ABCC1: variants seen among roughly 807,000 people sequenced by gnomAD.
ABCC1 encodes the protein ATP binding cassette subfamily C member 1 (ABCC1 blood group).
Under a neutral mutation model 172.9 loss-of-function variants are expected in ABCC1, and 83 were observed. The observed-to-expected ratio is 0.48, with a 90% CI of 0.40 to 0.58. The LOEUF is 0.58. Among genes scored for constraint, ABCC1 ranks in the 20% least tolerant of loss-of-function variants. The pLI is 0.00. For missense variants in ABCC1, 1,817 were observed against 2,002.7 expected (o/e 0.91, Z 1.77); for synonymous variants, 937 against 825.2 (o/e 1.14, Z -2.32).
chr16:16,089,353 C>T (rs1396283982), intron 18 of ABCC1, among the ~76,000 whole-genome samples: 1 of 151,960 alleles, frequency 6.6e-6, no homozygotes, highest in Non-Finnish European at 1.5e-5. Flanking sequence ...TCAAGATGAG[C>T]CTGGACAACA....
At chr16:16,042,373 G>A (rs2049010565) in intron 7 of ABCC1, among the ~76,000 whole-genome samples, 1 of 151,994 alleles carries the variant, frequency 6.6e-6, no homozygotes, top group Non-Finnish European at 1.5e-5. Flanking sequence ...CACCAGTTAT[G>A]TACATCTGCA....
At chr16:15,987,191 T>C (rs1166356884) in intron 1 of ABCC1, among the ~76,000 whole-genome samples, 1 of 152,150 alleles carries the variant, frequency 6.6e-6, no homozygotes, top group Non-Finnish European at 1.5e-5. Flanking sequence ...TGGAGGGATA[T>C]TATAGCAAGA....
intron 1 of ABCC1, among the ~76,000 whole-genome samples, chr16:15,990,666 T>G (rs1334121332): frequency 1.3e-5 from 2 of 152,042 alleles, no homozygotes; most frequent in Non-Finnish European, 2.9e-5. Context: ...TCCTTTTTTT[T>G]TTAGACAGAG....
At chr16:15,991,640 G>A (rs1336724551) in intron 1 of ABCC1, among the ~76,000 whole-genome samples, 1 of 152,094 alleles carries the variant, frequency 6.6e-6, no homozygotes, top group Non-Finnish European at 1.5e-5. Context: ...TGTACTCACT[G>A]TGCCTGTCTC....
intron 22 of ABCC1, 113 bp downstream of exon 22, chr16:16,111,695 C>T (rs1450510937): frequency 3.2e-6 from 3 of 929,028 alleles, no homozygotes; most frequent in Non-Finnish European, 4.8e-6. Context: ...CAAACCAAGC[C>T]AAACCCAGAA....
At chr16:16,018,990 C>G (rs1165233918) in intron 5 of ABCC1, among the ~76,000 whole-genome samples, 1 of 152,034 alleles carries the variant, frequency 6.6e-6, no homozygotes, top group Non-Finnish European at 1.5e-5. Context: ...GCTCATGAGT[C>G]AGTGGCTGTT....
At chr16:16,050,189 A>G (rs1226327203) in intron 10 of ABCC1, among the ~76,000 whole-genome samples, 1 of 152,168 alleles carries the variant, frequency 6.6e-6, no homozygotes, top group Middle Eastern at 3.2e-3. Context: ...GAAGGGCTGG[A>G]CGAAATGGCT....
At chr16:16,097,302 G>A (rs1304076857) in intron 19 of ABCC1, among the ~76,000 whole-genome samples, 2 of 152,074 alleles carry the variant, frequency 1.3e-5, no homozygotes, top group Non-Finnish European at 2.9e-5. Context: ...TAGTAGAGAC[G>A]GCGTTGTGCC....
At chr16:15,966,328 C>T (rs1462403201) in intron 1 of ABCC1, among the ~76,000 whole-genome samples, 1 of 151,166 alleles carries the variant, frequency 6.6e-6, no homozygotes, top group Non-Finnish European at 1.5e-5. Flanking sequence ...GGGAGAATTG[C>T]TTGAACCCAG....
At chr16:16,131,715 G>A in intron 26 of ABCC1, 74 bp from the exon 27 acceptor site, 2 of 1,539,024 alleles carry the variant, frequency 1.3e-6, no homozygotes, top group South Asian at 2.4e-5. Context: ...TGAGTGAGAG[G>A]GGAGGTCAGG....
chr16:15,988,170 G>GGC (rs1341448577), intron 1 of ABCC1, among the ~76,000 whole-genome samples: 1 of 152,092 alleles, frequency 6.6e-6, no homozygotes, highest in African/African-American at 2.4e-5. Context: ...CACTTGTCTT[G>GGC]GCCTCCCAAA....
rs200760311 is a variant in ABCC1, at chr16:16,111,522, G to A, written c.3019G>A (p.Gly1007Arg). 391 of 1,614,144 alleles carry A rather than the reference G, an allele frequency of 2.4e-4. No homozygotes were observed. The East Asian group carries it at 3.8e-3, about 16-fold the overall frequency. Residue 1007 changes from glycine (G) to arginine (R), a missense_variant, in exon 22 of 31, where the codon GGG (glycine) becomes AGG (arginine). Around this residue, in one of 3 missense-constraint regions of ABCC1, gnomAD observed 1,412 missense variants for 1,600.3 expected, o/e 0.88. Coordinates refer to ENST00000399410, the MANE Select transcript of ABCC1 (RefSeq NM_004996.4). ...SLWTDDPIVN[G>R]TQEHTKVRLS... ...CTGGACTGATGACCCCATCGTCAAC[G>A]GGACTCAGGAGCACACGAAAGTCCG... is the stretch of plus-strand genomic sequence containing the variant.
At chr16:16,122,502 C>G (rs1031005637) in intron 24 of ABCC1, among the ~76,000 whole-genome samples, 4 of 152,152 alleles carry the variant, frequency 2.6e-5, no homozygotes, top group African/African-American at 9.7e-5. Context: ...CTTCATACCG[C>G]TGTTCCCGTC....
intron 1 of ABCC1, among the ~76,000 whole-genome samples, chr16:15,997,805 CTTTTTTTTTTTT>C (rs34346901): frequency 8.6e-6 from 1 of 116,822 alleles, no homozygotes; most frequent in Admixed American, 8.9e-5. Flanking sequence ...GCCTCGATAC[CTTTTTTTTTTTT>C]TTTTTTTTTT....
intron 10 of ABCC1, among the ~76,000 whole-genome samples, chr16:16,051,148 T>C (rs891460378): frequency 6.7e-6 from 1 of 149,694 alleles, no homozygotes; most frequent in Non-Finnish European, 1.5e-5. Context: ...GGGGCTGTCT[T>C]TTTTTTTTGT....
At chr16:16,120,592 G>A (rs1479486880) in intron 23 of ABCC1, among the ~76,000 whole-genome samples, 4 of 152,084 alleles carry the variant, frequency 2.6e-5, no homozygotes, top group Non-Finnish European at 5.9e-5. Context: ...ACTGAAGCCC[G>A]GAGAAGGTGC....
intron 5 of ABCC1, among the ~76,000 whole-genome samples, chr16:16,030,498 C>T (rs1292659075): frequency 6.6e-6 from 1 of 152,148 alleles, no homozygotes; most frequent in Non-Finnish European, 1.5e-5. Flanking sequence ...GGACTCCAGC[C>T]TGGGCGACAG....
At chr16:16,051,374 T>A (rs1200333419) in intron 10 of ABCC1, among the ~76,000 whole-genome samples, 1 of 152,092 alleles carries the variant, frequency 6.6e-6, no homozygotes, top group Non-Finnish European at 1.5e-5. Context: ...GGTCTTGCTG[T>A]GTTGCCCAGG....
At chr16:16,072,300 C>T (rs1393509071) in intron 14 of ABCC1, among the ~76,000 whole-genome samples, 2 of 151,748 alleles carry the variant, frequency 1.3e-5, no homozygotes, top group Non-Finnish European at 1.5e-5. Flanking sequence ...CTGACCTTAG[C>T]CTCCCAAGTA....
Sources: gnomAD v4.1 joint callset for allele counts (sites outside exome capture counted in the v4.1 genomes callset) on GRCh38, gnomAD v4.1.1 for gene constraint, gnomAD v4.1.1 regional missense constraint, MANE v1.5 for transcripts, NCBI Gene and HGNC (gene_info 2026-07-23, HGNC 2026-07-21) for gene names.